The following ZNF236 variants were observed in gnomAD, a reference collection of about 807,000 sequenced individuals.
ZNF236 encodes zinc finger protein 236, also known as regulated by glucose.
A neutral mutation model predicts 191.2 loss-of-function variants in ZNF236; 50 were observed. The ratio of observed to expected loss-of-function variants is 0.26; its 90% CI spans 0.21 to 0.33. The LOEUF is 0.33. Ranked by LOEUF, ZNF236 falls within the 10% of genes least tolerant of loss-of-function variation. ZNF236 has a pLI of 1.00. For missense variants in ZNF236, 1,754 were observed against 2,374.5 expected, an observed-to-expected ratio of 0.74 and a Z score of 5.43; for synonymous variants, 907 against 928.8, an observed-to-expected ratio of 0.98 and a Z score of 0.43.
intron 1 of ZNF236, among the ~76,000 whole-genome samples, chr18:76,840,067 G>GT (rs1331306518): frequency 6.6e-6 from 1 of 152,084 alleles, no homozygotes; most frequent in Non-Finnish European, 1.5e-5. Context: ...ATATGCTGTG[G>GT]TTTTTTTAAA....
intron 1 of ZNF236, chr18:76,834,646 A>T: frequency 2.2e-6 from 1 of 445,812 alleles, no homozygotes; most frequent in Non-Finnish European, 4.3e-6. Flanking sequence ...GCACCCATTC[A>T]ATGTAGAGGA....
chr18:76,860,153 G>T (rs11664189), intron 3 of ZNF236, among the ~76,000 whole-genome samples: 29,424 of 152,144 alleles, frequency 0.19, 3,393 homozygotes, highest in Middle Eastern at 0.28. Flanking sequence ...GAGCCGTGTG[G>T]TCTAGGCAGA....
chr18:76,923,086 T>C lies in ZNF236; in HGVS notation c.3573T>C (p.His1191=). The change falls in exon 21 of 31, where the codon CAT becomes CAC. Residue 1191 remains histidine (H), a synonymous_variant. Transcript: ENST00000320610. ...TTTTGGATAGGCATGTTCGAATCCA[T>C]ACTGGAGAAAAGCCATACAAATGTG... The part of the protein sequence containing the change: ...PSDLVRHVRI[H]TGEKPYKCDE... 1 of 1,613,484 alleles carries C rather than the reference T, an allele frequency of 6.2e-7. No homozygotes were observed. Among genetic ancestry groups the C allele is most frequent in the Non-Finnish European group, 8.5e-7 (1 of 1,179,464 alleles).
intron 11 of ZNF236, 121 bp from the exon 12 acceptor site, chr18:76,904,259 G>T (rs1334873631): frequency 1.1e-6 from 1 of 878,522 alleles, no homozygotes; most frequent in East Asian, 3.1e-5. Context: ...TAACATAGTT[G>T]CAACATTAGA....
rs765828358 is a variant in ZNF236, at chr18:76,947,663, T to G, written c.4914+11T>G. 2.5e-5 allele frequency: 40 copies of G among 1,611,722 alleles called. No individual in the cohort carries two copies. The highest frequency in any genetic ancestry group is 3.3e-5 in the Non-Finnish European group (39 of 1,178,802). Reference sequence around the variant, plus strand: ...GAAATAGCCTACCAGGTACAGGATATTCCTTCATTCACAGAGCTTTTGTCG... The same window carrying G: ...GAAATAGCCTACCAGGTACAGGATAGTCCTTCATTCACAGAGCTTTTGTCG... On this transcript the variant is annotated intron_variant, in intron 27 of 30. Coordinates refer to ENST00000320610, the MANE Select transcript of ZNF236 (RefSeq NM_001306089.2).
chr18:76,832,408 C>T (rs1975196140), intron 1 of ZNF236, among the ~76,000 whole-genome samples: 1 of 151,764 alleles, frequency 6.6e-6, no homozygotes. Context: ...ATTGACACTT[C>T]ATCTGAATGT....
At chr18:76,884,018 T>C (rs1459477672) in intron 9 of ZNF236, among the ~76,000 whole-genome samples, 3 of 152,222 alleles carry the variant, frequency 2.0e-5, no homozygotes, top group Admixed American at 2.0e-4. Context: ...ATTTGCTTGG[T>C]TTGAAGAAGT....
rs73968242 is a variant in ZNF236 at position 76,968,252 on chromosome 18, C to T, written c.5457C>T (p.Asp1819=). The T allele has an allele frequency of 0.45, 730,797 of 1,612,780 alleles. 171,662 individuals carry two copies. Among genetic ancestry groups the T allele is most frequent in the Non-Finnish European group, 0.49 (580,892 of 1,179,672 alleles). Residue 1819 remains aspartate, a synonymous_variant, in exon 31 of 31, where the codon GAC becomes GAT. Coordinates refer to ENST00000320610, the MANE Select transcript of ZNF236 (RefSeq NM_001306089.2). The part of the protein sequence containing the change: ...LQESAGHPEQ[D]GEELSRTLHL... ...AGTCTGCAGGTCACCCGGAGCAGGA[C>T]GGGGAGGAGCTGAGCCGGACCCTCC...
intron 28 of ZNF236, among the ~76,000 whole-genome samples, chr18:76,959,252 G>A (rs1968600612): frequency 6.6e-6 from 1 of 152,208 alleles, no homozygotes; most frequent in Admixed American, 6.5e-5. Flanking sequence ...AGGGCCTCAG[G>A]CCACAACCTA....
intron 1 of ZNF236, chr18:76,824,325 C>G (rs1161064571): frequency 1.3e-6 from 1 of 781,058 alleles, no homozygotes; most frequent in South Asian, 1.3e-5. Flanking sequence ...CGTTGGTGAC[C>G]AACAGGCGTT....
chr18:76,824,172 C>A, intron 1 of ZNF236: 1 of 624,682 alleles, frequency 1.6e-6, no homozygotes, highest in Non-Finnish European at 2.9e-6. Context: ...CTGGAAACTA[C>A]AAAGGATTGT....
intron 19 of ZNF236, among the ~76,000 whole-genome samples, chr18:76,917,673 C>A (rs571054494): frequency 6.6e-6 from 1 of 152,248 alleles, no homozygotes; most frequent in South Asian, 2.1e-4. Flanking sequence ...GTCTGTCTGT[C>A]GTGCTTAATT....
Position 76,923,262 on chromosome 18 carries a change from C to T in ZNF236, c.3661+88C>T, listed in dbSNP as rs1967587696. ...CCTATATATTTTGTGTACATAAATA[C>T]TTTCCAAATTATAGAACGCTTAAAA... On this transcript the variant is annotated intron_variant, in intron 21 of 30. Transcript: ENST00000320610. 1.8e-5 allele frequency: 16 copies of T among 899,042 alleles called. No homozygotes were observed. The South Asian group carries it at 2.3e-4, about 13-fold the overall frequency. The allele number at this position is 899,042 out of a possible 1,614,324, so 55.7% of individuals were successfully genotyped here.
intron 30 of ZNF236, among the ~76,000 whole-genome samples, chr18:76,967,461 A>G (rs1469587038): frequency 2.8e-5 from 4 of 143,540 alleles, no homozygotes; most frequent in Non-Finnish European, 4.5e-5. Flanking sequence ...GCTCTGTGAG[A>G]TTTGTGATTT....
rs139924784 is a variant in ZNF236, at chr18:76,851,721, G to A, written c.199-54G>A. ...GTTAATATTTTCATTTATTGAACAA[G>A]CATCTGTGAAAAGATTGTATTTCAG... On this transcript the variant is annotated intron_variant, in intron 2 of 30. Transcript: ENST00000320610. The A allele has an allele frequency of 3.5e-4, 542 of 1,549,210 alleles. No homozygotes were observed. The African/African-American group carries it at 6.4e-3, about 18-fold the overall frequency.
chr18:76,948,833 G>T (rs1206368296), intron 27 of ZNF236, among the ~76,000 whole-genome samples: 1 of 152,244 alleles, frequency 6.6e-6, no homozygotes, highest in Non-Finnish European at 1.5e-5. Context: ...AGGTCAAACG[G>T]ATGCAGTGGT....
At chr18:76,859,664 A>G (rs1306171068) in intron 3 of ZNF236, among the ~76,000 whole-genome samples, 1 of 152,200 alleles carries the variant, frequency 6.6e-6, no homozygotes, top group East Asian at 1.9e-4. Flanking sequence ...TTGAAACTGA[A>G]GTACCTCAAT....
At chr18:76,908,037 T>C (rs1254975003) in intron 13 of ZNF236, among the ~76,000 whole-genome samples, 2 of 152,206 alleles carry the variant, frequency 1.3e-5, no homozygotes, top group Non-Finnish European at 2.9e-5. Flanking sequence ...AGACATCTTT[T>C]TAATGTTTTT....
intron 1 of ZNF236, among the ~76,000 whole-genome samples, chr18:76,837,831 A>G (rs1022059510): frequency 5.9e-5 from 9 of 152,190 alleles, no homozygotes; most frequent in Non-Finnish European, 2.9e-5. Flanking sequence ...TTAAAAATCA[A>G]TGGATGATAA....
Sources: allele counts gnomAD v4.1 joint callset (sites outside exome capture counted in the v4.1 genomes callset), GRCh38; gene constraint gnomAD v4.1.1; transcripts MANE v1.5; gene names NCBI Gene and HGNC (gene_info 2026-07-23, HGNC 2026-07-21).